The following CLDN16 variants were observed in gnomAD, a reference collection of about 807,000 sequenced individuals.
The protein encoded by CLDN16 is claudin-16.
A neutral mutation model predicts 24.6 loss-of-function variants in CLDN16; 13 were observed. The ratio of observed to expected loss-of-function variants is 0.53; its 90% CI spans 0.34 to 0.84. The LOEUF is 0.84. Among genes scored for constraint, CLDN16 ranks in the 40% least tolerant of loss-of-function variants. The pLI is 0.01. For missense variants in CLDN16, 298 were observed against 292.7 expected (o/e 1.02, Z -0.13); for synonymous variants, 116 against 106.7 (o/e 1.09, Z -0.54).
intron 1 of CLDN16, among the ~76,000 whole-genome samples, chr3:190,363,572 A>G (rs13061400): frequency 6.1e-5 from 8 of 130,862 alleles, no homozygotes; most frequent in African/African-American, 2.3e-4. Flanking sequence ...ATATATATAT[A>G]TATATATATA....
intron 1 of CLDN16, among the ~76,000 whole-genome samples, chr3:190,361,991 T>C (rs1593314): frequency 0.76 from 115,288 of 151,404 alleles, 44,077 homozygotes; most frequent in Middle Eastern, 0.83. Context: ...CCTATACAAA[T>C]GGCACACCTG....
intron 1 of CLDN16, among the ~76,000 whole-genome samples, chr3:190,394,437 C>T (rs1379511096): frequency 2.0e-5 from 3 of 152,094 alleles, no homozygotes; most frequent in Admixed American, 2.0e-4. Context: ...ATCAGGTTCT[C>T]TTCTGGGATT....
At chr3:190,330,972 A>G (rs1717169351) in intron 1 of CLDN16, among the ~76,000 whole-genome samples, 1 of 152,208 alleles carries the variant, frequency 6.6e-6, no homozygotes, top group Non-Finnish European at 1.5e-5. Flanking sequence ...TGACATTTGC[A>G]CAAGGTAGAG....
At chr3:190,321,976 G>T, upstream of CLDN16, 1 of 1,610,990 alleles carries the variant, frequency 6.2e-7, no homozygotes, top group Non-Finnish European at 8.5e-7. Flanking sequence ...AGGTGGGGGT[G>T]CACTCACTGC....
intron 1 of CLDN16, among the ~76,000 whole-genome samples, chr3:190,349,846 C>G (rs1717633433): frequency 6.6e-6 from 1 of 152,160 alleles, no homozygotes; most frequent in Non-Finnish European, 1.5e-5. Context: ...GCAAGCCTAT[C>G]CTAGGGTAGA....
the CLDN16 span, among the ~76,000 whole-genome samples, chr3:190,311,595 T>A: frequency 6.6e-6 from 1 of 151,386 alleles, no homozygotes. Context: ...ATTAATTATA[T>A]CTGTTATTTT....
At chr3:190,314,675 A>G in the CLDN16 span, among the ~76,000 whole-genome samples, 1 of 151,994 alleles carries the variant, frequency 6.6e-6, no homozygotes, top group Non-Finnish European at 1.5e-5. Context: ...AAGTTCTGGG[A>G]TTACAGACGT....
intron 1 of CLDN16, among the ~76,000 whole-genome samples, chr3:190,363,429 G>A (rs1717943523): frequency 6.7e-6 from 1 of 149,946 alleles, no homozygotes; most frequent in African/African-American, 2.5e-5. Flanking sequence ...CAATAAATAG[G>A]TCTGGTTTAT....
chr3:190,303,948 G>C, the CLDN16 span, among the ~76,000 whole-genome samples: 2 of 152,096 alleles, frequency 1.3e-5, no homozygotes, highest in Non-Finnish European at 2.9e-5. Context: ...TTAGGGAAAG[G>C]GTGAACTGAC....
At chr3:190,384,965 T>C (rs1051698190), upstream of CLDN16, among the ~76,000 whole-genome samples, 1 of 152,198 alleles carries the variant, frequency 6.6e-6, no homozygotes, top group Non-Finnish European at 1.5e-5. Context: ...TATGCCTATA[T>C]ACTCTTATTG....
upstream of CLDN16, among the ~76,000 whole-genome samples, chr3:190,319,946 C>T (rs1247668191): frequency 2.0e-5 from 3 of 152,160 alleles, no homozygotes; most frequent in Non-Finnish European, 4.4e-5. Flanking sequence ...AAGGGTCCCT[C>T]TTCTGAGAAT....
chr3:190,291,932 G>C, the CLDN16 span, among the ~76,000 whole-genome samples: 1 of 152,186 alleles, frequency 6.6e-6, no homozygotes. Flanking sequence ...GATTAAGGGG[G>C]CGGGCCCCCA....
chr3:190,296,900 A>C, the CLDN16 span, among the ~76,000 whole-genome samples: 1 of 152,148 alleles, frequency 6.6e-6, no homozygotes, highest in Non-Finnish European at 1.5e-5. Flanking sequence ...TGAACAGTAG[A>C]GTGATAAGAT....
At chr3:190,398,753 T>C (rs1213514189) in intron 1 of CLDN16, among the ~76,000 whole-genome samples, 2 of 152,216 alleles carry the variant, frequency 1.3e-5, no homozygotes, top group African/African-American at 4.8e-5. Flanking sequence ...TGTGTATTTG[T>C]AATTTTTAAT....
At chr3:190,290,542 C>T in the CLDN16 span, among the ~76,000 whole-genome samples, 1 of 152,190 alleles carries the variant, frequency 6.6e-6, no homozygotes, top group Non-Finnish European at 1.5e-5. Context: ...ATTTTCGTTT[C>T]CATAAATTGT....
At chr3:190,407,635 T>C (rs1719140307) in intron 3 of CLDN16, among the ~76,000 whole-genome samples, 1 of 152,206 alleles carries the variant, frequency 6.6e-6, no homozygotes, top group African/African-American at 2.4e-5. Context: ...AACCAGTTAA[T>C]TGTCAGAGAG....
upstream of CLDN16, chr3:190,322,046 C>G: frequency 6.2e-7 from 1 of 1,614,208 alleles, no homozygotes; most frequent in Non-Finnish European, 8.5e-7. Context: ...CTGCGACACG[C>G]AGGACATCCA....
At chr3:190,297,615 C>T in the CLDN16 span, among the ~76,000 whole-genome samples, 2 of 127,652 alleles carry the variant, frequency 1.6e-5, no homozygotes, top group African/African-American at 5.8e-5. Context: ...TCTATAATAT[C>T]TATAATATAA....
intron 1 of CLDN16, among the ~76,000 whole-genome samples, chr3:190,325,195 G>T (rs980858366): frequency 6.6e-6 from 1 of 152,104 alleles, no homozygotes; most frequent in Non-Finnish European, 1.5e-5. Context: ...GAGAGGTCAG[G>T]CTGCTTATCC....
Sources: gnomAD v4.1 joint callset for allele counts (sites outside exome capture counted in the v4.1 genomes callset) on GRCh38, gnomAD v4.1.1 for gene constraint, MANE v1.5 for transcripts, NCBI Gene and HGNC (gene_info 2026-07-23, HGNC 2026-07-21) for gene names.